ETNK2: variants seen among roughly 807,000 people sequenced by gnomAD.
ETNK2 encodes the protein ethanolamine kinase 2.
A neutral mutation model predicts 46.2 loss-of-function variants in ETNK2; 33 were observed. That is an observed-to-expected ratio of 0.71 (90% CI 0.54 to 0.96). The LOEUF (loss-of-function observed/expected upper bound fraction) is 0.96, where lower values mean the gene tolerates loss of function less well. ETNK2 is among the 40% of genes least tolerant of loss of function. The pLI is 0.00. For missense variants in ETNK2, 445 were observed against 509.7 expected, an observed-to-expected ratio of 0.87 and a Z score of 1.22; for synonymous variants, 194 against 209.0, an observed-to-expected ratio of 0.93 and a Z score of 0.62.
chr1:204,141,113 A>G (rs1657508453), intron 4 of ETNK2: 1 of 713,254 alleles, frequency 1.4e-6, no homozygotes, highest in Non-Finnish European at 2.5e-6. Context: ...GGCATGAGCC[A>G]CTGAGACTGG....
rs1261740151 is a variant in ETNK2 at position 204,149,790 on chromosome 1, T to C, written c.431A>G (p.Tyr144Cys). The stretch of plus-strand genomic sequence containing the variant: ...GCACAGCCCATTCTGGAAGGTGCAG[T>C]AGAGTTTGGGGGCACAGCTGTGTGC... ...LRAHSCAPKL[Y>C]CTFQNGLCYE... The change falls in exon 2 of 8, where the codon TAC becomes TGC. Residue 144 changes from tyrosine (Y) to cysteine (C), a missense_variant. Transcript: ENST00000367202. 1.9e-6 allele frequency: 3 copies of C among 1,607,700 alleles called. No homozygotes were observed. Among genetic ancestry groups the C allele is most frequent in the South Asian group, 1.1e-5 (1 of 89,452 alleles).
In ETNK2 at chr1:204,137,032, G is replaced by C. The variant is rs1020955256; in HGVS notation, c.1014+72C>G. 8.9e-6 allele frequency: 14 copies of C among 1,578,438 alleles called. No homozygotes were observed. The Admixed American group carries it at 2.4e-4, about 27-fold the overall frequency. On this transcript the variant is annotated intron_variant, in intron 6 of 7. Coordinates refer to ENST00000367202, the MANE Select transcript of ETNK2 (RefSeq NM_018208.4). The stretch of plus-strand genomic sequence containing the variant: ...ACCTGACCCTGGGCTCTGGGTAGGA[G>C]GCTAGGTGGGTCACCAGTCCCTCCT...
chr1:204,137,990 G>A (rs1479866568), intron 5 of ETNK2, among the ~76,000 whole-genome samples: 5 of 152,166 alleles, frequency 3.3e-5, no homozygotes, highest in Non-Finnish European at 7.4e-5. Context: ...AAGACAGGAG[G>A]ACCAGGACTG....
rs542121001 is a variant in ETNK2, at chr1:204,137,186, T to C, written c.932A>G (p.Tyr311Cys). Residue 311 changes from tyrosine to cysteine, a missense_variant, in exon 6 of 8, where the codon TAC becomes TGC. Tyr to Cys is a radical substitution (Grantham distance 194). Transcript: ENST00000367202. ...CATCCCCTTTTGTGCCTGCAGGTAG[T>C]AGTGCAGCCACTGCAGCTGGGTCTC... ...ARETQLQWLH[Y>C]YLQAQKGMAV... 1.9e-6 allele frequency: 3 copies of C among 1,613,940 alleles called. No individual in the cohort carries two copies. Among genetic ancestry groups the C allele is most frequent in the African/African-American group, 1.3e-5 (1 of 75,042 alleles).
In ETNK2 at chr1:204,132,102, G is replaced by T; in HGVS notation, c.*82C>A. 2 of 1,122,366 alleles carry T rather than the reference G, an allele frequency of 1.8e-6. No homozygotes were observed. The highest frequency in any genetic ancestry group is 2.6e-6 in the Non-Finnish European group (2 of 756,672). The allele number at this position is 1,122,366 out of a possible 1,614,324, so 69.5% of individuals were successfully genotyped here. ...GTCCCCTCTCCCACCCTGTCCAAGG[G>T]TGTGGATCCCAGAGTGCAGAATTGA... On this transcript the variant is annotated 3_prime_UTR_variant, in exon 8 of 8. Coordinates refer to ENST00000367202, the MANE Select transcript of ETNK2 (RefSeq NM_018208.4).
At chr1:204,140,813 G>A (rs777713943) in intron 4 of ETNK2, among the ~76,000 whole-genome samples, 17 of 142,354 alleles carry the variant, frequency 1.2e-4, no homozygotes, top group Middle Eastern at 3.4e-3. Context: ...ATGAGCCACC[G>A]CGCCTGGCCA....
chr1:204,151,561 G>T lies in ETNK2; in HGVS notation c.258+34C>A. 1 of 1,547,954 alleles carries T rather than the reference G, an allele frequency of 6.5e-7. No homozygotes were observed. The highest frequency in any genetic ancestry group is 8.7e-7 in the Non-Finnish European group (1 of 1,145,904). ...CGCATCCCCCTGGCAGCCCTGGCAG[G>T]ACCCCATCCTCGGCCCCGCGCCCAC... On this transcript the variant is annotated intron_variant, in intron 1 of 7. Coordinates refer to ENST00000367202, the MANE Select transcript of ETNK2 (RefSeq NM_018208.4). The surrounding 1 kb of genome is among the most constrained non-coding windows in gnomAD (Gnocchi z 8.0).
chr1:204,136,425 A>G (rs11240677), intron 6 of ETNK2, among the ~76,000 whole-genome samples: 32,953 of 149,446 alleles, frequency 0.22, 4,148 homozygotes, highest in East Asian at 0.4. Context: ...ATATATATAT[A>G]TATGCCGGGC....
rs781389262 is a variant in ETNK2 at position 204,151,175 on chromosome 1, A to G, written c.258+420T>C. 9.8e-5 allele frequency: 23 copies of G among 235,450 alleles called. No individual in the cohort carries two copies. Among genetic ancestry groups the G allele is most frequent in the Non-Finnish European group, 1.5e-4 (19 of 126,766 alleles). The allele number at this position is 235,450 out of a possible 1,614,324, so 14.6% of individuals were successfully genotyped here. A position where few individuals can be genotyped will look rare whatever the true frequency, so the allele number is the denominator to read the frequency against. Reference sequence around the variant, plus strand: ...AGGATTTGCTCCCACCATGGGGTGGAGAAGGGGCAGCAATGTATGCATGTA... The same window carrying G: ...AGGATTTGCTCCCACCATGGGGTGGGGAAGGGGCAGCAATGTATGCATGTA... On this transcript the variant is annotated intron_variant, in intron 1 of 7. Coordinates refer to ENST00000367202, the MANE Select transcript of ETNK2 (RefSeq NM_018208.4). The surrounding 1 kb of genome is among the most constrained non-coding windows in gnomAD (Gnocchi z 8.0).
rs770142507 is a variant in ETNK2, at chr1:204,137,213, C to CG, written c.904dup (p.Arg302ProfsTer59). ...GTGCAGCCACTGCAGCTGGGTCTCC[C>CG]GCGCCGGGTACAGGCAGTAATCCAC... On this transcript the variant is annotated frameshift_variant, in exon 6 of 8. Transcript: ENST00000367202. LOFTEE classifies it high-confidence loss of function. 6.2e-7 allele frequency: 1 copy of CG among 1,613,884 alleles called. No individual in the cohort carries two copies.
At position 204,151,874 on chromosome 1, in the gene ETNK2, G is replaced by A; in HGVS notation, c.-22C>T. The A allele has an allele frequency of 2.1e-6, 3 of 1,419,558 alleles. No individual in the cohort carries two copies. The highest frequency in any genetic ancestry group is 2.7e-6 in the Non-Finnish European group (3 of 1,092,512). The allele number at this position is 1,419,558 out of a possible 1,614,324, so 87.9% of individuals were successfully genotyped here. A position where few individuals can be genotyped will look rare whatever the true frequency, so the allele number is the denominator to read the frequency against. On this transcript the variant is annotated 5_prime_UTR_variant, in exon 1 of 8. Transcript: ENST00000367202. This position sits in a 1 kb window ranked among gnomAD's most constrained non-coding sequence, Gnocchi z 8.0. ...CCATTCCCAGCAGCCCCACCCCCTC[G>A]GAGCCGCGGCAGACGCTAGCCCCGG...
chr1:204,139,998 G>A (rs372069513), intron 5 of ETNK2, 37 bp downstream of exon 5: 340 of 1,567,130 alleles, frequency 2.2e-4, no homozygotes, highest in Non-Finnish European at 2.7e-4. Flanking sequence ...CTGAAACACC[G>A]CTACAAAGCA....
At chr1:204,146,907 A>G (rs758139182) in intron 2 of ETNK2, 143 bp from the exon 3 acceptor site, 1 of 960,820 alleles carries the variant, frequency 1.0e-6, no homozygotes, top group South Asian at 1.4e-5. Flanking sequence ...CAAGTCCCTT[A>G]GGAGCACAGG....
Position 204,151,843 on chromosome 1 carries a change from G to T in ETNK2, c.10C>A (p.Pro4Thr). Residue 4 changes from proline to threonine, a missense_variant, in exon 1 of 8, where the codon CCC becomes ACC. Physicochemically the swap from Pro to Thr is conservative, Grantham distance 38 (BLOSUM62 -1). Coordinates refer to ENST00000367202, the MANE Select transcript of ETNK2 (RefSeq NM_018208.4). The surrounding 1 kb of genome is among the most constrained non-coding windows in gnomAD (Gnocchi z 8.0). ...GCGCGCGGCTGAGGGGCCGAAGGGG[G>T]CACAGCCATTCCCAGCAGCCCCACC... Reference protein sequence around the residue: MAVPPSAPQPRASF... With the variant: MAVTPSAPQPRASF... 1 of 1,452,550 alleles carries T rather than the reference G, an allele frequency of 6.9e-7. No individual in the cohort carries two copies. The highest frequency in any genetic ancestry group is 9.0e-7 in the Non-Finnish European group (1 of 1,106,736). The allele number at this position is 1,452,550 out of a possible 1,614,324, so 90.0% of individuals were successfully genotyped here. A position where few individuals can be genotyped will look rare whatever the true frequency, so the allele number is the denominator to read the frequency against.
In ETNK2 at chr1:204,151,218, CG is replaced by C. The variant is rs940228534; in HGVS notation, c.258+376del. 3.3e-5 allele frequency: 9 copies of C among 276,754 alleles called. No individual in the cohort carries two copies. Among genetic ancestry groups the C allele is most frequent in the East Asian group, 1.1e-4 (1 of 9,518 alleles). 17.1% of individuals were successfully genotyped at this position (276,754 alleles called of 1,614,324 possible). A position where few individuals can be genotyped will look rare whatever the true frequency, so the allele number is the denominator to read the frequency against. On this transcript the variant is annotated intron_variant, in intron 1 of 7. Coordinates refer to ENST00000367202, the MANE Select transcript of ETNK2 (RefSeq NM_018208.4). The surrounding 1 kb of genome is among the most constrained non-coding windows in gnomAD (Gnocchi z 8.0). The stretch of plus-strand genomic sequence containing the variant: ...TGCATGTATGGCTGGGTCGGGGGGG[CG>C]GGGGGTCTCTTAAAAGTTCCCGCCT...
In ETNK2 at chr1:204,145,423, G is replaced by A. The variant is rs189595804; in HGVS notation, c.641+1219C>T. 1.3e-4 allele frequency among the ~76,000 whole-genome samples: 20 copies of A among 152,344 alleles called. No homozygotes were observed. The East Asian group carries it at 3.7e-3, about 28-fold the overall frequency. ...GGTTCCATCCCCTCCCTGGGCCTCG[G>A]TTTTCCACTTGTCAAATAACAGCTG... is the stretch of plus-strand genomic sequence containing the variant. On this transcript the variant is annotated intron_variant, in intron 3 of 7. Transcript: ENST00000367202.
chr1:204,138,829 C>G (rs899066749), intron 5 of ETNK2: 3 of 152,174 alleles, frequency 2.0e-5, no homozygotes, highest in Non-Finnish European at 4.4e-5. Context: ...AGCCCTCAAG[C>G]TGGAAAAACC....
intron 4 of ETNK2, chr1:204,140,948 G>A (rs941595479): frequency 6.0e-6 from 2 of 332,982 alleles, no homozygotes; most frequent in Non-Finnish European, 1.1e-5. Flanking sequence ...TCAGCCTCCC[G>A]AGGAGCTAGG....
chr1:204,150,077 C>T, intron 1 of ETNK2, 115 bp from the exon 2 acceptor site: 9 of 1,166,662 alleles, frequency 7.7e-6, no homozygotes, highest in Non-Finnish European at 9.6e-6. Flanking sequence ...CGAGCACAAC[C>T]ACCCCAAGCC....
Sources: allele counts gnomAD v4.1 joint callset (sites outside exome capture counted in the v4.1 genomes callset), GRCh38; gene constraint gnomAD v4.1.1; non-coding constraint Gnocchi (gnomAD v3.1); transcripts MANE v1.5; gene names NCBI Gene and HGNC (gene_info 2026-07-23, HGNC 2026-07-21).